Variants in EP400 observed in about 807,000 individuals in gnomAD.
EP400 encodes the protein E1A binding protein p400, also known as E1A-binding protein p400.
A neutral mutation model predicts 354.1 loss-of-function variants in EP400; 105 were observed. The observed-to-expected ratio is 0.30, with a 90% confidence interval of 0.25 to 0.35. EP400 has a LOEUF of 0.35. Ranked by LOEUF, EP400 falls within the 10% of genes least tolerant of loss-of-function variation. The pLI is 1.00. For synonymous variants in EP400, 1,646 were observed against 1,716.9 expected (o/e 0.96, Z 1.02); for missense variants, 3,280 against 4,121.0 (o/e 0.80, Z 5.59).
chr12:132,039,852 A>C (rs1178952222), intron 32 of EP400, among the ~76,000 whole-genome samples: 1 of 152,226 alleles, frequency 6.6e-6, no homozygotes, highest in African/African-American at 2.4e-5. Context: ...TGGCATGGGC[A>C]TCATAGTGGG....
chr12:132,077,577 G>A lies in EP400; in HGVS notation c.9276G>A (p.Val3092=), dbSNP rs1896274780. The part of the protein sequence containing the change: ...QTPGAPNPAQ[V]PASSDSPSQQ... ...CAGGCGCTCCCAACCCAGCCCAGGT[G>A]CCCGCCAGCTCCGACAGCCCAAGCC... is the stretch of plus-strand genomic sequence containing the variant. The change falls in exon 53 of 53, where the codon GTG becomes GTA. Residue 3092 remains valine, a synonymous_variant. Transcript: ENST00000389561. 5.6e-6 allele frequency: 9 copies of A among 1,613,844 alleles called. No homozygotes were observed. Among genetic ancestry groups the A allele is most frequent in the Non-Finnish European group, 7.6e-6 (9 of 1,179,938 alleles).
At chr12:132,071,846 A>G (rs1484353328) in intron 51 of EP400, among the ~76,000 whole-genome samples, 2 of 152,076 alleles carry the variant, frequency 1.3e-5, no homozygotes, top group Non-Finnish European at 2.9e-5. Context: ...ATCACCTTCA[A>G]CAAATACTAT....
At chr12:132,058,846 G>T (rs577148812) in intron 45 of EP400, among the ~76,000 whole-genome samples, 15 of 151,830 alleles carry the variant, frequency 9.9e-5, no homozygotes, top group African/African-American at 3.1e-4. Flanking sequence ...GAGTGCAGGG[G>T]TACAATCACA....
intron 39 of EP400, among the ~76,000 whole-genome samples, chr12:132,049,048 C>G (rs1441552916): frequency 6.6e-6 from 1 of 152,256 alleles, no homozygotes; most frequent in African/African-American, 2.4e-5. Context: ...GCCGAGCCCC[C>G]TAAAGGACAT....
In EP400 at chr12:132,023,707, C is replaced by CT. The variant is rs35997833; in HGVS notation, c.4691-69dup. The CT allele has an allele frequency of 9.3e-4, 1,402 of 1,511,976 alleles. 14 individuals carry two copies. The African/African-American group carries it at 0.018, about 19-fold the overall frequency. 93.7% of individuals were successfully genotyped at this position (1,511,976 alleles called of 1,614,324 possible). A position where few individuals can be genotyped will look rare whatever the true frequency, so the allele number is the denominator to read the frequency against. On this transcript the variant is annotated intron_variant, in intron 23 of 52. Coordinates refer to ENST00000389561, the MANE Select transcript of EP400 (RefSeq NM_015409.5). ...GATGGTCATTATATACAAGAAACGA[C>CT]TGTCAATATGACACTCCCAAATTTT...
chr12:131,994,382 G>C lies in EP400; in HGVS notation c.2738-485G>C, dbSNP rs991760206. On this transcript the variant is annotated intron_variant, in intron 11 of 52. Transcript: ENST00000389561. The surrounding 1 kb of genome is among the most constrained non-coding windows in gnomAD (Gnocchi z 4.6). ...TGGTAGCTGCTCTTTTCTCTGCCAG[G>C]AGCCAAGATCTCTATGGCGAGTGAG... Among the ~76,000 whole-genome samples, 43 of 152,152 alleles carry C rather than the reference G, an allele frequency of 2.8e-4. No individual in the cohort carries two copies. The highest frequency in any genetic ancestry group is 1.0e-3 in the African/African-American group (43 of 41,440).
intron 29 of EP400, among the ~76,000 whole-genome samples, chr12:132,031,619 C>T (rs1001158194): frequency 1.3e-5 from 2 of 152,164 alleles, no homozygotes; most frequent in Non-Finnish European, 1.5e-5. Flanking sequence ...AGTACAGTGG[C>T]GCAATCTTGG....
chr12:132,058,353 A>ATTTTTTTTTTTTTTTTTTTTTTTTTTTT (rs60226464), intron 45 of EP400, among the ~76,000 whole-genome samples: 1 of 129,562 alleles, frequency 7.7e-6, no homozygotes, highest in African/African-American at 3.0e-5. Context: ...TAAAGATTGG[A>ATTTTTTTTTTTTTTTTTTTTTTTTTTTT]TTTTTTTTTT....
Position 132,053,422 on chromosome 12 carries a change from C to G in EP400, c.7553C>G (p.Pro2518Arg). The G allele has an allele frequency of 6.5e-7, 1 of 1,528,466 alleles. No homozygotes were observed. The highest frequency in any genetic ancestry group is 8.8e-7 in the Non-Finnish European group (1 of 1,142,226). The allele number at this position is 1,528,466 out of a possible 1,614,324, so 94.7% of individuals were successfully genotyped here. A position where few individuals can be genotyped will look rare whatever the true frequency, so the allele number is the denominator to read the frequency against. ...CCCCAGCCGCAGCCCCCACCACCCCCGCAGCAGCCACCGCCACCGCTGCCA... is the reference window on the plus strand; with the variant it reads ...CCCCAGCCGCAGCCCCCACCACCCCGGCAGCAGCCACCGCCACCGCTGCCA... Reference protein sequence around the residue: ...PPPQPQPPPPPQQPPPPLPQP... With the variant: ...PPPQPQPPPPRQQPPPPLPQP... Residue 2518 changes from proline to arginine, a missense_variant, in exon 43 of 53, where the codon CCG (proline) becomes CGG (arginine). By Grantham distance (103) the Pro-to-Arg change is moderately radical. Transcript: ENST00000389561.
chr12:132,076,300 G>T, intron 51 of EP400: 2 of 657,760 alleles, frequency 3.0e-6, no homozygotes, highest in Non-Finnish European at 2.8e-6. Flanking sequence ...TAAATGATGA[G>T]TGATGGCAAA....
chr12:132,016,124 T>C (rs923169346), intron 19 of EP400, among the ~76,000 whole-genome samples: 2 of 152,376 alleles, frequency 1.3e-5, no homozygotes, highest in East Asian at 3.9e-4. Flanking sequence ...GCCATTCTTT[T>C]TGAAGCATGT....
At chr12:132,002,402 A>G (rs1893444966) in intron 12 of EP400, among the ~76,000 whole-genome samples, 1 of 151,978 alleles carries the variant, frequency 6.6e-6, no homozygotes, top group African/African-American at 2.4e-5. Context: ...TGTAGGGGCT[A>G]TCTGATTATG....
At chr12:131,968,336 G>T (rs747337686) in intron 2 of EP400, among the ~76,000 whole-genome samples, 1 of 152,136 alleles carries the variant, frequency 6.6e-6, no homozygotes, top group Non-Finnish European at 1.5e-5. Flanking sequence ...TTGAACAGAC[G>T]ATCTATGTAT....
chr12:132,016,137 T>G (rs1893924910), intron 19 of EP400, among the ~76,000 whole-genome samples: 1 of 152,240 alleles, frequency 6.6e-6, no homozygotes, highest in Admixed American at 6.5e-5. Context: ...AAGCATGTGA[T>G]TTGCCCTGGC....
At position 132,067,569 on chromosome 12, in the gene EP400, A is replaced by G; in HGVS notation, c.8874+83A>G. 6.5e-7 allele frequency: 1 copy of G among 1,532,870 alleles called. No individual in the cohort carries two copies. Among genetic ancestry groups the G allele is most frequent in the Non-Finnish European group, 8.8e-7 (1 of 1,142,024 alleles). The allele number at this position is 1,532,870 out of a possible 1,614,324, so 95.0% of individuals were successfully genotyped here. On this transcript the variant is annotated intron_variant, in intron 50 of 52. Coordinates refer to ENST00000389561, the MANE Select transcript of EP400 (RefSeq NM_015409.5). The surrounding 1 kb of genome is among the most constrained non-coding windows in gnomAD (Gnocchi z 5.3). ...GGAGGAGAGGGTCCTAAGCAGACAAATCCCCATGTGGCGGCTCACGCTTTT... is the reference window on the plus strand; with the variant it reads ...GGAGGAGAGGGTCCTAAGCAGACAAGTCCCCATGTGGCGGCTCACGCTTTT...
chr12:131,994,924 A>G lies in EP400; in HGVS notation c.2795A>G (p.His932Arg), dbSNP rs1485711887. ...GAAGCAAATGAAGGCGTTGTGGACC[A>G]CCAAACAGAACTTTCTAATTTAGCC... The part of the protein sequence containing the change: ...EEEANEGVVD[H>R]QTELSNLAKE... Residue 932 changes from histidine (H) to arginine (R), a missense_variant, in exon 12 of 53, where the codon CAC (histidine) becomes CGC (arginine). Physicochemically the swap from His to Arg is conservative, Grantham distance 29 (BLOSUM62 0). Coordinates refer to ENST00000389561, the MANE Select transcript of EP400 (RefSeq NM_015409.5). The surrounding 1 kb of genome is among the most constrained non-coding windows in gnomAD (Gnocchi z 4.6). 6.2e-7 allele frequency: 1 copy of G among 1,614,006 alleles called. No individual in the cohort carries two copies.
chr12:132,072,082 C>T (rs749498828), intron 51 of EP400, among the ~76,000 whole-genome samples: 2 of 152,162 alleles, frequency 1.3e-5, no homozygotes, highest in Non-Finnish European at 2.9e-5. Context: ...TGTGTGACCT[C>T]ACGGCATCGG....
chr12:132,040,100 C>T (rs961829384), intron 32 of EP400, among the ~76,000 whole-genome samples: 1 of 152,076 alleles, frequency 6.6e-6, no homozygotes, highest in Non-Finnish European at 1.5e-5. Flanking sequence ...TGTAAGTGGC[C>T]GATGTGTAGA....
chr12:132,059,898 G>C (rs1488088360), intron 45 of EP400, among the ~76,000 whole-genome samples: 11 of 151,784 alleles, frequency 7.2e-5, no homozygotes, highest in Admixed American at 2.0e-4. Context: ...TGGCACGCGT[G>C]TGTAGTCCCA....
Sources: allele counts gnomAD v4.1 joint callset (sites outside exome capture counted in the v4.1 genomes callset), GRCh38; gene constraint gnomAD v4.1.1; non-coding constraint Gnocchi (gnomAD v3.1); transcripts MANE v1.5; gene names NCBI Gene and HGNC (gene_info 2026-07-23, HGNC 2026-07-21).